Variants in UBE2O observed in about 807,000 individuals in gnomAD.
The protein encoded by UBE2O is ubiquitin conjugating enzyme E2 O, also known as (E3-independent) E2 ubiquitin-conjugating enzyme.
Under a neutral mutation model 125.8 loss-of-function variants are expected in UBE2O, and 15 were observed. That is an observed-to-expected ratio of 0.12 (90% CI 0.08 to 0.18). The LOEUF (loss-of-function observed/expected upper bound fraction) is 0.18. Ranked by LOEUF, UBE2O falls within the 10% of genes least tolerant of loss-of-function variation. UBE2O has a pLI of 1.00. For missense variants in UBE2O, 1,280 were observed against 1,723.6 expected (o/e 0.74, Z 4.56); for synonymous variants, 708 against 703.2 (o/e 1.01, Z -0.11).
rs2143694018 is a variant in UBE2O, at chr17:76,398,195, G to A, written c.2025+60C>T. On this transcript the variant is annotated intron_variant, in intron 12 of 17. Coordinates refer to ENST00000319380, the MANE Select transcript of UBE2O (RefSeq NM_022066.4). This position sits in a 1 kb window ranked among gnomAD's most constrained non-coding sequence, Gnocchi z 5.4. ...AGAGCCACCTGGTGGCAGCATCAGG[G>A]ACTGCAGCTGGTGCACAGGGCAGTG... 3 of 1,604,838 alleles carry A rather than the reference G, an allele frequency of 1.9e-6. No homozygotes were observed. Among genetic ancestry groups the A allele is most frequent in the Non-Finnish European group, 2.6e-6 (3 of 1,172,558 alleles).
chr17:76,420,764 C>G (rs2072697025), intron 1 of UBE2O, among the ~76,000 whole-genome samples: 2 of 152,132 alleles, frequency 1.3e-5, no homozygotes, highest in South Asian at 2.1e-4. Flanking sequence ...CTTGCACCAC[C>G]AGGTGTTGGT....
Position 76,391,358 on chromosome 17 carries a change from G to A in UBE2O, c.3464C>T (p.Ala1155Val), listed in dbSNP as rs1198189480. Residue 1155 changes from alanine to valine, a missense_variant, in exon 18 of 18, where the codon GCC becomes GTC. This residue lies in a region of UBE2O where 233 missense variants were observed against 279.0 expected (regional missense o/e 0.84). Coordinates refer to ENST00000319380, the MANE Select transcript of UBE2O (RefSeq NM_022066.4). This position sits in a 1 kb window ranked among gnomAD's most constrained non-coding sequence, Gnocchi z 8.4. ...GGGCACCCCGTTGGGCAGTGCCTGG[G>A]CCTTCTCCAGCAGGGCATGGGTTTC... ...WLETHALLEK[A>V]QALPNGVPKA... The A allele has an allele frequency of 6.2e-7, 1 of 1,613,042 alleles. No individual in the cohort carries two copies. Among genetic ancestry groups the A allele is most frequent in the African/African-American group, 1.3e-5 (1 of 74,930 alleles).
chr17:76,432,171 C>T (rs898802167), intron 1 of UBE2O, among the ~76,000 whole-genome samples: 15 of 152,188 alleles, frequency 9.9e-5, no homozygotes, highest in Non-Finnish European at 2.1e-4. Context: ...TTTGGAAACT[C>T]AAGGCCCCCT....
intron 15 of UBE2O, among the ~76,000 whole-genome samples, chr17:76,393,780 GCA>G (rs1404194998): frequency 6.6e-6 from 1 of 152,258 alleles, no homozygotes; most frequent in East Asian, 1.9e-4. Flanking sequence ...GTGCATCTGT[GCA>G]CACACGCGTG....
At chr17:76,448,400 G>A (rs1323405947) in intron 1 of UBE2O, among the ~76,000 whole-genome samples, 2 of 152,188 alleles carry the variant, frequency 1.3e-5, no homozygotes, top group African/African-American at 2.4e-5. Context: ...CAAACTTCAC[G>A]TGCCATGATG....
In UBE2O at chr17:76,417,773, A is replaced by G. The variant is rs565753521; in HGVS notation, c.418-12201T>C. Among the ~76,000 whole-genome samples the G allele has an allele frequency of 2.0e-5, 3 of 152,290 alleles. No individual in the cohort carries two copies. In the South Asian group the frequency reaches 6.2e-4, roughly 32 times the overall value. On this transcript the variant is annotated intron_variant, in intron 1 of 17. Coordinates refer to ENST00000319380, the MANE Select transcript of UBE2O (RefSeq NM_022066.4). ...TTGCAGGCCCAGGCGAGACAGGAGG[A>G]AGGGAAGAGGAGCAGGTGTTTGATG...
At position 76,452,559 on chromosome 17, in the gene UBE2O, G is replaced by A. The variant is rs1010649738; in HGVS notation, c.417+166C>T. ...CTGGCTGGCGTGTGCGCCCAGAGCT[G>A]CTGCAATGACTTTGCATGGAGTGTA... On this transcript the variant is annotated intron_variant, in intron 1 of 17. Coordinates refer to ENST00000319380, the MANE Select transcript of UBE2O (RefSeq NM_022066.4). The surrounding 1 kb of genome is among the most constrained non-coding windows in gnomAD (Gnocchi z 4.4). Among the ~76,000 whole-genome samples, 2 of 152,222 alleles carry A rather than the reference G, an allele frequency of 1.3e-5. No individual in the cohort carries two copies. Among genetic ancestry groups the A allele is most frequent in the African/African-American group, 4.8e-5 (2 of 41,472 alleles).
In UBE2O at chr17:76,390,110, T is replaced by A. The variant is rs1451590210; in HGVS notation, c.*833A>T. The A allele has an allele frequency of 1.3e-5, 2 of 152,598 alleles. No homozygotes were observed. The highest frequency in any genetic ancestry group is 2.4e-5 in the African/African-American group (1 of 41,452). The allele number at this position is 152,598 out of a possible 1,614,324, so 9.5% of individuals were successfully genotyped here. On this transcript the variant is annotated 3_prime_UTR_variant, in exon 18 of 18. Coordinates refer to ENST00000319380, the MANE Select transcript of UBE2O (RefSeq NM_022066.4). ...CTTGGAGTTCAGTGAGCTGCACGCC[T>A]GTCCCAGTGTGACCATGTGATGGGG... is the stretch of plus-strand genomic sequence containing the variant.
chr17:76,414,162 G>A (rs375760688), intron 1 of UBE2O, among the ~76,000 whole-genome samples: 2 of 152,166 alleles, frequency 1.3e-5, no homozygotes, highest in South Asian at 2.1e-4. Context: ...GAGAACCTCC[G>A]GAAATGGCTG....
At chr17:76,412,484 G>A (rs2072533452) in intron 1 of UBE2O, among the ~76,000 whole-genome samples, 1 of 152,162 alleles carries the variant, frequency 6.6e-6, no homozygotes, top group Non-Finnish European at 1.5e-5. Context: ...AACTGGGGGT[G>A]TGGGAGAGAC....
In UBE2O at chr17:76,395,445, G is replaced by A; in HGVS notation, c.2946+280C>T. ...CTGACCTCGTGATCCACCCACCTCGGCCTCCCAAAGTGCTGGGATTACGGG... is the reference window on the plus strand; with the variant it reads ...CTGACCTCGTGATCCACCCACCTCGACCTCCCAAAGTGCTGGGATTACGGG... On this transcript the variant is annotated intron_variant, in intron 15 of 17. Transcript: ENST00000319380. The surrounding 1 kb of genome is among the most constrained non-coding windows in gnomAD (Gnocchi z 5.0). 3.6e-6 allele frequency: 1 copy of A among 281,536 alleles called. No homozygotes were observed. Among genetic ancestry groups the A allele is most frequent in the Non-Finnish European group, 6.6e-6 (1 of 151,268 alleles). 17.4% of individuals were successfully genotyped at this position (281,536 alleles called of 1,614,324 possible).
At position 76,398,480 on chromosome 17, in the gene UBE2O, C is replaced by T. The variant is rs1412247502; in HGVS notation, c.1888G>A (p.Asp630Asn). 8.1e-6 allele frequency: 13 copies of T among 1,614,046 alleles called. No homozygotes were observed. The highest frequency in any genetic ancestry group is 3.3e-5 in the Admixed American group (2 of 60,010). ...KWFKLRPSGDDVELIGEEEDV... is the reference protein window; with the variant it reads ...KWFKLRPSGDNVELIGEEEDV... ...GTAGGGGCTGCACACACCTCCACGTCGTCCCCACTCGGCCTCAGCTTGAAC... is the reference window on the plus strand; with the variant it reads ...GTAGGGGCTGCACACACCTCCACGTTGTCCCCACTCGGCCTCAGCTTGAAC... Residue 630 changes from aspartate (D) to asparagine (N), a missense_variant, in exon 11 of 18, where the codon GAC (aspartate) becomes AAC (asparagine). Around this residue, in one of 10 missense-constraint regions of UBE2O, gnomAD observed 145 missense variants for 219.6 expected, o/e 0.66. Coordinates refer to ENST00000319380, the MANE Select transcript of UBE2O (RefSeq NM_022066.4). The surrounding 1 kb of genome is among the most constrained non-coding windows in gnomAD (Gnocchi z 5.4).
At chr17:76,444,907 G>T (rs534828278) in intron 1 of UBE2O, among the ~76,000 whole-genome samples, 1 of 152,288 alleles carries the variant, frequency 6.6e-6, no homozygotes, top group South Asian at 2.1e-4. Flanking sequence ...CCCTGGAGAC[G>T]TATTTGTGTG....
chr17:76,403,347 G>A (rs1193052563), intron 3 of UBE2O, among the ~76,000 whole-genome samples: 1 of 152,066 alleles, frequency 6.6e-6, no homozygotes, highest in African/African-American at 2.4e-5. Flanking sequence ...TTGGCTTAAT[G>A]CAACCTCCAT....
intron 3 of UBE2O, among the ~76,000 whole-genome samples, chr17:76,403,339 G>T (rs750511226): frequency 6.6e-6 from 1 of 152,026 alleles, no homozygotes. Flanking sequence ...GTGTGATCTT[G>T]GCTTAATGCA....
chr17:76,432,347 G>A (rs1004351426), intron 1 of UBE2O, among the ~76,000 whole-genome samples: 3 of 152,164 alleles, frequency 2.0e-5, no homozygotes, highest in African/African-American at 7.2e-5. Flanking sequence ...TGTACTATGA[G>A]AGAGACTCAA....
chr17:76,390,694 A>G lies in UBE2O; in HGVS notation c.*249T>C. 1 of 411,614 alleles carries G rather than the reference A, an allele frequency of 2.4e-6. No homozygotes were observed. Among genetic ancestry groups the G allele is most frequent in the Non-Finnish European group, 4.4e-6 (1 of 229,614 alleles). The allele number at this position is 411,614 out of a possible 1,614,324, so 25.5% of individuals were successfully genotyped here. On this transcript the variant is annotated 3_prime_UTR_variant, in exon 18 of 18. Transcript: ENST00000319380. ...ACATTCTGCTGGGGTGACAAATGGA[A>G]AATCGGCAACAGGGTTCCGATTTTC...
At chr17:76,415,449 T>C (rs1334191805) in intron 1 of UBE2O, among the ~76,000 whole-genome samples, 1 of 152,198 alleles carries the variant, frequency 6.6e-6, no homozygotes, top group Non-Finnish European at 1.5e-5. Context: ...TCATTTGACC[T>C]GTCTGGTCTC....
rs1376857243 is a variant in UBE2O, at chr17:76,391,554, G to A, written c.3268C>T (p.Leu1090=). ...NEAGFDSDRG[L]QEGYENSRCY... is the part of the protein sequence containing the mutation. ...CGACTGTTTTCATAGCCTTCCTGCA[G>A]GCCTCGGTCACTGTCGAAGCCGGCT... Residue 1090 remains leucine, a synonymous_variant, in exon 18 of 18, where the codon CTG becomes TTG. Coordinates refer to ENST00000319380, the MANE Select transcript of UBE2O (RefSeq NM_022066.4). This position sits in a 1 kb window ranked among gnomAD's most constrained non-coding sequence, Gnocchi z 8.4. 12 of 1,614,178 alleles carry A rather than the reference G, an allele frequency of 7.4e-6. No homozygotes were observed. Among genetic ancestry groups the A allele is most frequent in the South Asian group, 2.2e-5 (2 of 91,086 alleles).
Sources: gnomAD v4.1 joint callset for allele counts (sites outside exome capture counted in the v4.1 genomes callset) on GRCh38, gnomAD v4.1.1 for gene constraint, gnomAD v4.1.1 regional missense constraint, Gnocchi (gnomAD v3.1) non-coding constraint, MANE v1.5 for transcripts, NCBI Gene and HGNC (gene_info 2026-07-23, HGNC 2026-07-21) for gene names.